Variants in KIAA0319L observed in about 807,000 individuals in gnomAD.
KIAA0319L encodes dyslexia-associated protein KIAA0319-like protein.
A neutral mutation model predicts 120.1 loss-of-function variants in KIAA0319L; 55 were observed. The observed-to-expected ratio is 0.46, with a 90% CI of 0.37 to 0.57. The LOEUF is 0.57. Ranked by LOEUF, KIAA0319L falls within the 20% of genes least tolerant of loss-of-function variation. The pLI is 0.00. For synonymous variants in KIAA0319L, 398 were observed against 471.9 expected (o/e 0.84, Z 2.03); for missense variants, 1,049 against 1,255.3 (o/e 0.84, Z 2.48).
At chr1:35,475,855 C>T (rs1354555588) in intron 4 of KIAA0319L, among the ~76,000 whole-genome samples, 1 of 152,180 alleles carries the variant, frequency 6.6e-6, no homozygotes, top group East Asian at 1.9e-4. Flanking sequence ...CTGTCTTATC[C>T]TTCCTATCTA....
intron 2 of KIAA0319L, among the ~76,000 whole-genome samples, chr1:35,518,868 G>A (rs1387701901): frequency 6.6e-6 from 1 of 151,794 alleles, no homozygotes; most frequent in Admixed American, 6.6e-5. Context: ...GCCGGGCATG[G>A]TGGTGGGCAC....
At chr1:35,508,253 T>C (rs1426127037) in intron 2 of KIAA0319L, among the ~76,000 whole-genome samples, 1 of 152,232 alleles carries the variant, frequency 6.6e-6, no homozygotes, top group Non-Finnish European at 1.5e-5. Context: ...CTCCTTACCC[T>C]AGTCCTGGCC....
intron 5 of KIAA0319L, among the ~76,000 whole-genome samples, chr1:35,471,339 T>C (rs1643611308): frequency 6.6e-6 from 1 of 152,204 alleles, no homozygotes; most frequent in Non-Finnish European, 1.5e-5. Flanking sequence ...AAACTTCTTT[T>C]GCAACAAAGA....
rs756090054 is a variant in KIAA0319L at position 35,442,371 on chromosome 1, G to A, written c.2780-35C>T. 3.3e-6 allele frequency: 5 copies of A among 1,512,078 alleles called. No individual in the cohort carries two copies. The East Asian group carries it at 6.8e-5, about 20-fold the overall frequency. The allele number at this position is 1,512,078 out of a possible 1,614,324, so 93.7% of individuals were successfully genotyped here. A position where few individuals can be genotyped will look rare whatever the true frequency, so the allele number is the denominator to read the frequency against. ...AAATCAAAATGGTGAGGGCTGTGGAGGGAGAGGCTGGGAGGGAGGTCTGGG... is the reference window on the plus strand; with the variant it reads ...AAATCAAAATGGTGAGGGCTGTGGAAGGAGAGGCTGGGAGGGAGGTCTGGG... On this transcript the variant is annotated intron_variant, in intron 18 of 20. Transcript: ENST00000325722.
intron 2 of KIAA0319L, among the ~76,000 whole-genome samples, chr1:35,530,457 T>C (rs1646321182): frequency 6.6e-6 from 1 of 152,218 alleles, no homozygotes; most frequent in Non-Finnish European, 1.5e-5. Flanking sequence ...GCTATCTCTT[T>C]GGTGAATTTC....
chr1:35,463,586 C>A (rs112599783), intron 7 of KIAA0319L, among the ~76,000 whole-genome samples: 3,309 of 152,260 alleles, frequency 0.022, 121 homozygotes, highest in African/African-American at 0.076. Context: ...ATGGCATTTT[C>A]TTTGCAAAAT....
chr1:35,529,454 C>T lies in KIAA0319L; in HGVS notation c.143-22319G>A, dbSNP rs115876462. Among the ~76,000 whole-genome samples the T allele has an allele frequency of 1.0e-2, 1,516 of 152,224 alleles. 11 individuals are homozygous for T. Among genetic ancestry groups the T allele is most frequent in the Non-Finnish European group, 0.017 (1,188 of 68,000 alleles). On this transcript the variant is annotated intron_variant, in intron 2 of 20. Coordinates refer to ENST00000325722, the MANE Select transcript of KIAA0319L (RefSeq NM_024874.5). ...ATGGTAGATATTATCCTTTCACTTCCGAATGTAGGACTCCCTTAATCTTTT... is the reference window on the plus strand; with the variant it reads ...ATGGTAGATATTATCCTTTCACTTCTGAATGTAGGACTCCCTTAATCTTTT...
intron 16 of KIAA0319L, among the ~76,000 whole-genome samples, chr1:35,445,222 A>T (rs997667417): frequency 8.5e-5 from 13 of 152,302 alleles, no homozygotes; most frequent in Admixed American, 7.8e-4. Flanking sequence ...GGCATGCATG[A>T]CATAAAATCT....
rs1003045707 is a variant in KIAA0319L, at chr1:35,453,096, T to C, written c.1913+461A>G. 1.7e-4 allele frequency among the ~76,000 whole-genome samples: 26 copies of C among 152,362 alleles called. No individual in the cohort carries two copies. Among genetic ancestry groups the C allele is most frequent in the African/African-American group, 5.5e-4 (23 of 41,590 alleles). On this transcript the variant is annotated intron_variant, in intron 12 of 20. Transcript: ENST00000325722. The surrounding 1 kb of genome is among the most constrained non-coding windows in gnomAD (Gnocchi z 4.1). ...CGCCTTTGGCCTCTGGCTAACTTAA[T>C]TGGTAAATGGTGTCTTCAAGAAAAC... is the stretch of plus-strand genomic sequence containing the variant.
At chr1:35,443,956 T>TG in intron 17 of KIAA0319L, 1 of 429,230 alleles carries the variant, frequency 2.3e-6, no homozygotes, top group Non-Finnish European at 4.0e-6. Context: ...CACAGCCTTC[T>TG]GAACACGATC....
chr1:35,474,734 T>C (rs1643838812), intron 5 of KIAA0319L, 71 bp downstream of exon 5: 2 of 891,564 alleles, frequency 2.2e-6, no homozygotes, highest in African/African-American at 1.7e-5. Context: ...GAGACCAGCC[T>C]GGACAACACA....
rs1409948103 is a variant in KIAA0319L, at chr1:35,434,452, G to T, written c.*442C>A. ...AGGGGTGCCACTTCCTCTTTGCCCA[G>T]CGAGAGGGCGTACTCTACCCCAGAG... On this transcript the variant is annotated 3_prime_UTR_variant, in exon 21 of 21. Coordinates refer to ENST00000325722, the MANE Select transcript of KIAA0319L (RefSeq NM_024874.5). 6.4e-6 allele frequency: 1 copy of T among 155,746 alleles called. No individual in the cohort carries two copies. The highest frequency in any genetic ancestry group is 6.5e-5 in the Admixed American group (1 of 15,378). 9.6% of individuals were successfully genotyped at this position (155,746 alleles called of 1,614,324 possible).
intron 11 of KIAA0319L, 94 bp downstream of exon 11, chr1:35,454,268 C>T: frequency 7.3e-7 from 1 of 1,369,686 alleles, no homozygotes; most frequent in Non-Finnish European, 1.0e-6. Context: ...CCTTCTGCTT[C>T]TACCCTCATA....
At chr1:35,515,824 A>C (rs1645656337) in intron 2 of KIAA0319L, among the ~76,000 whole-genome samples, 1 of 152,166 alleles carries the variant, frequency 6.6e-6, no homozygotes, top group Non-Finnish European at 1.5e-5. Context: ...AAAGAAGAAA[A>C]AGAGAGGATA....
chr1:35,443,599 G>T (rs187095067), intron 17 of KIAA0319L, among the ~76,000 whole-genome samples: 1 of 152,210 alleles, frequency 6.6e-6, no homozygotes, highest in East Asian at 1.9e-4. Context: ...TTGAACCCGG[G>T]GGGGCGGAGG....
chr1:35,532,566 G>A lies in KIAA0319L; in HGVS notation c.142+21784C>T, dbSNP rs144122385. Among the ~76,000 whole-genome samples the A allele has an allele frequency of 2.4e-3, 371 of 152,270 alleles. 2 individuals are homozygous for A. The highest frequency in any genetic ancestry group is 7.9e-3 in the African/African-American group (330 of 41,550). On this transcript the variant is annotated intron_variant, in intron 2 of 20. Transcript: ENST00000325722. ...AGTGTTGATACTCTTGGGACAAAGA[G>A]TTCATAAAAGGAGGAAGCAGAAAGG...
At chr1:35,500,489 G>A (rs1270689145) in intron 3 of KIAA0319L, among the ~76,000 whole-genome samples, 1 of 152,188 alleles carries the variant, frequency 6.6e-6, no homozygotes, top group Non-Finnish European at 1.5e-5. Context: ...AATTGCAAAA[G>A]GTCCACAATA....
At chr1:35,478,377 AT>A (rs1643999181) in intron 4 of KIAA0319L, among the ~76,000 whole-genome samples, 1 of 152,186 alleles carries the variant, frequency 6.6e-6, no homozygotes, top group Non-Finnish European at 1.5e-5. Context: ...ATAGTCAATA[AT>A]ATTTTAATTG....
At chr1:35,454,323 C>A in intron 11 of KIAA0319L, 39 bp downstream of exon 11, 1 of 1,610,074 alleles carries the variant, frequency 6.2e-7, no homozygotes, top group Non-Finnish European at 8.5e-7. Flanking sequence ...TAAATGGACC[C>A]ACCAATAGAA....
Sources: allele counts gnomAD v4.1 joint callset (sites outside exome capture counted in the v4.1 genomes callset), GRCh38; gene constraint gnomAD v4.1.1; non-coding constraint Gnocchi (gnomAD v3.1); transcripts MANE v1.5; gene names NCBI Gene and HGNC (gene_info 2026-07-23, HGNC 2026-07-21).